PVT1: variants seen among roughly 807,000 people sequenced by gnomAD.
PVT1 encodes the protein Pvt1 oncogene, also known as CXCR4/PVT1 fusion.
At chr8:127,996,764 C>T (rs2303490) in intron 4 of PVT1, 48,600 of 152,166 alleles carry the variant, frequency 0.32, 8,260 homozygotes, top group East Asian at 0.44. Context: ...AAGTGACTGG[C>T]CATGGGGACA....
chr8:127,808,814 G>T (rs915221044), intron 2 of PVT1, among the ~76,000 whole-genome samples: 25 of 151,924 alleles, frequency 1.6e-4, no homozygotes, highest in Admixed American at 3.3e-4. Flanking sequence ...CAGATCACTT[G>T]AGGTCAGGAG....
chr8:127,832,534 A>G (rs113201508), intron 2 of PVT1, among the ~76,000 whole-genome samples: 8 of 152,228 alleles, frequency 5.3e-5, no homozygotes, highest in South Asian at 2.1e-4. Context: ...AGTGAGTTCT[A>G]TGTCACTAGA....
chr8:128,053,413 GT>G (rs559690063), intron 4 of PVT1, among the ~76,000 whole-genome samples: 176 of 148,796 alleles, frequency 1.2e-3, no homozygotes, highest in African/African-American at 3.8e-3. Flanking sequence ...TATATATATT[GT>G]ATATATAATA....
rs867230818 is a variant in PVT1 at position 128,040,399 on chromosome 8, A to G, written n.913-29761A>G. On this transcript the variant is annotated intron_variant and non_coding_transcript_variant, in intron 4 of 10. Coordinates refer to ENST00000651587, the Ensembl canonical transcript of PVT1. ...GCTCCAGCTTGCTGGCCTGCCCTGC[A>G]GAGTTTGGACTTGCCAGCCCCCATA... is the stretch of plus-strand genomic sequence containing the variant. Among the ~76,000 whole-genome samples, 4 of 152,328 alleles carry G rather than the reference A, an allele frequency of 2.6e-5. No individual in the cohort carries two copies. The East Asian group carries it at 5.8e-4, about 22-fold the overall frequency.
intron 4 of PVT1, among the ~76,000 whole-genome samples, chr8:128,036,764 C>A (rs1477911954): frequency 6.6e-6 from 1 of 152,220 alleles, no homozygotes; most frequent in Non-Finnish European, 1.5e-5. Flanking sequence ...GTGGAAGCTG[C>A]TGCAGGGTTA....
At chr8:128,035,617 C>T (rs1382009472) in intron 4 of PVT1, among the ~76,000 whole-genome samples, 2 of 152,170 alleles carry the variant, frequency 1.3e-5, no homozygotes, top group Non-Finnish European at 2.9e-5. Flanking sequence ...CTGGGACCTT[C>T]GACTGTTATC....
intron 3 of PVT1, among the ~76,000 whole-genome samples, chr8:127,897,267 G>A (rs867343047): frequency 3.6e-4 from 55 of 152,262 alleles, no homozygotes; most frequent in African/African-American, 1.1e-3. Flanking sequence ...GGGCCAGGTG[G>A]GTGCATTTGG....
intron 4 of PVT1, among the ~76,000 whole-genome samples, chr8:128,002,000 G>A (rs1339660778): frequency 6.6e-6 from 1 of 152,288 alleles, no homozygotes; most frequent in East Asian, 1.9e-4. Context: ...CCGACATTCA[G>A]ACTGTAGCAG....
chr8:128,085,072 G>T (rs1814239690), intron 5 of PVT1, among the ~76,000 whole-genome samples: 1 of 152,140 alleles, frequency 6.6e-6, no homozygotes, highest in Non-Finnish European at 1.5e-5. Flanking sequence ...TTGAGTCTGT[G>T]CAGGCTTGTG....
chr8:128,097,810 G>A (rs778091128), intron 6 of PVT1, among the ~76,000 whole-genome samples: 7 of 152,148 alleles, frequency 4.6e-5, no homozygotes, highest in South Asian at 4.1e-4. Context: ...GGCCTTCAGC[G>A]TAGGGATGAG....
intron 2 of PVT1, among the ~76,000 whole-genome samples, chr8:127,862,913 G>A (rs867245624): frequency 4.6e-5 from 7 of 151,976 alleles, no homozygotes; most frequent in African/African-American, 1.7e-4. Flanking sequence ...GGTGGAACCG[G>A]GGTGCCCCAC....
At chr8:128,007,570 TATAGTGCACATAC>T (rs1179237182) in intron 4 of PVT1, among the ~76,000 whole-genome samples, 1 of 152,068 alleles carries the variant, frequency 6.6e-6, no homozygotes, top group East Asian at 1.9e-4. Flanking sequence ...GACAGAACAA[TATAGTGCACATAC>T]ATATTTATCT....
At chr8:128,017,675 T>C (rs937072418) in intron 4 of PVT1, among the ~76,000 whole-genome samples, 16 of 151,986 alleles carry the variant, frequency 1.1e-4, no homozygotes, top group African/African-American at 3.4e-4. Flanking sequence ...GGGCTCAAGT[T>C]ATCCTCCTGC....
intron 2 of PVT1, among the ~76,000 whole-genome samples, chr8:127,862,751 T>G (rs1212381962): frequency 2.0e-5 from 3 of 152,216 alleles, no homozygotes; most frequent in African/African-American, 7.2e-5. Context: ...TGTTATAAAG[T>G]TGCTTTTCTT....
chr8:128,005,694 G>A (rs1213300406), intron 4 of PVT1, among the ~76,000 whole-genome samples: 1 of 152,092 alleles, frequency 6.6e-6, no homozygotes, highest in African/African-American at 2.4e-5. Flanking sequence ...GGCTTCCTTT[G>A]CCCCAGCTTT....
chr8:127,856,790 G>C (rs189835946), intron 2 of PVT1, among the ~76,000 whole-genome samples: 1 of 152,214 alleles, frequency 6.6e-6, no homozygotes. Flanking sequence ...ACAGTAACTG[G>C]TCCTGGCTAC....
intron 4 of PVT1, among the ~76,000 whole-genome samples, chr8:128,055,135 ATCTC>A (rs2130111737): frequency 6.6e-6 from 1 of 152,276 alleles, no homozygotes; most frequent in Non-Finnish European, 1.5e-5. Flanking sequence ...ATTCCTTATA[ATCTC>A]TCTATGTCCC....
At chr8:128,088,569 C>T (rs1288419425) in intron 5 of PVT1, among the ~76,000 whole-genome samples, 1 of 152,214 alleles carries the variant, frequency 6.6e-6, no homozygotes, top group East Asian at 1.9e-4. Context: ...CTTCTAGTTT[C>T]TTTCCATTGT....
intron 3 of PVT1, among the ~76,000 whole-genome samples, chr8:127,903,420 A>T (rs1239615507): frequency 2.0e-5 from 3 of 152,332 alleles, no homozygotes; most frequent in Non-Finnish European, 2.9e-5. Context: ...TGCTCTGCAG[A>T]AACTCTTTAG....
Sources: gnomAD v4.1 joint callset for allele counts (sites outside exome capture counted in the v4.1 genomes callset) on GRCh38, gnomAD v4.1.1 for gene constraint, MANE v1.5 for transcripts, NCBI Gene and HGNC (gene_info 2026-07-23, HGNC 2026-07-21) for gene names.